The following ATP8B4 variants were observed in gnomAD, a reference collection of about 807,000 sequenced individuals.
ATP8B4 encodes ATPase phospholipid transporting 8B4 (putative).
In ATP8B4, 133 loss-of-function variants were observed where a neutral mutation model predicts 145.6. That is an observed-to-expected ratio of 0.91 (90% confidence interval 0.79 to 1.05). The LOEUF is 1.05. Ranked by LOEUF, ATP8B4 falls within the 50% of genes least tolerant of loss-of-function variation. The pLI is 0.00. For synonymous variants in ATP8B4, 507 were observed against 492.9 expected, an observed-to-expected ratio of 1.03 and a Z score of -0.38; for missense variants, 1,458 against 1,425.2, an observed-to-expected ratio of 1.02 and a Z score of -0.37.
At chr15:50,053,218 G>A (rs1313089595) in intron 3 of ATP8B4, among the ~76,000 whole-genome samples, 1 of 152,152 alleles carries the variant, frequency 6.6e-6, no homozygotes, top group Non-Finnish European at 1.5e-5. Flanking sequence ...TTTCCTTTCT[G>A]TAGAAGGGAA....
intron 10 of ATP8B4, among the ~76,000 whole-genome samples, chr15:49,984,590 C>G (rs1306674029): frequency 2.0e-5 from 3 of 152,110 alleles, no homozygotes; most frequent in Admixed American, 2.0e-4. Context: ...GTTGATAGAT[C>G]TGGCCAGCCT....
chr15:49,897,671 T>A (rs548058432), intron 22 of ATP8B4, among the ~76,000 whole-genome samples, 156 bp from the exon 23 acceptor site: 38 of 152,372 alleles, frequency 2.5e-4, no homozygotes, highest in African/African-American at 7.9e-4. Context: ...TAGATATTTC[T>A]CTTAGTTTTA....
chr15:49,915,823 C>T (rs192893052), intron 20 of ATP8B4, among the ~76,000 whole-genome samples: 5 of 147,264 alleles, frequency 3.4e-5, no homozygotes, highest in African/African-American at 5.1e-5. Flanking sequence ...CTAACCAGCA[C>T]GATATAGCAG....
intron 6 of ATP8B4, among the ~76,000 whole-genome samples, chr15:50,027,098 G>A (rs1394765327): frequency 6.6e-6 from 1 of 152,046 alleles, no homozygotes; most frequent in Non-Finnish European, 1.5e-5. Flanking sequence ...TTCTATCAAG[G>A]GTTATTCTGA....
At chr15:49,915,441 A>C (rs2039644387) in intron 20 of ATP8B4, among the ~76,000 whole-genome samples, 1 of 152,154 alleles carries the variant, frequency 6.6e-6, no homozygotes, top group South Asian at 2.1e-4. Context: ...GTATATTTCA[A>C]GTTAGCCAGA....
At chr15:50,122,533 CTGTT>C (rs917247698), upstream of ATP8B4, among the ~76,000 whole-genome samples, 3 of 150,294 alleles carry the variant, frequency 2.0e-5, no homozygotes, top group African/African-American at 7.4e-5. Context: ...TTGTGTTTGT[CTGTT>C]TGTTTGCTTG....
chr15:50,106,725 G>A (rs1300201220), intron 2 of ATP8B4, among the ~76,000 whole-genome samples: 2 of 152,132 alleles, frequency 1.3e-5, no homozygotes, highest in African/African-American at 4.8e-5. Context: ...ACGAAAAGGA[G>A]CACAAGGGAA....
chr15:50,035,495 T>G (rs1314033764), intron 6 of ATP8B4, among the ~76,000 whole-genome samples: 1 of 152,214 alleles, frequency 6.6e-6, no homozygotes, highest in Admixed American at 6.5e-5. Flanking sequence ...TTACCTGCCA[T>G]GAAACCCTGG....
At chr15:49,897,846 G>A (rs1052620748) in intron 22 of ATP8B4, among the ~76,000 whole-genome samples, 8 of 152,118 alleles carry the variant, frequency 5.3e-5, no homozygotes, top group Admixed American at 2.0e-4. Context: ...GGTGAACGAC[G>A]TCTTTTTCTA....
intron 23 of ATP8B4, among the ~76,000 whole-genome samples, chr15:49,889,929 G>A (rs192422265): frequency 3.3e-5 from 5 of 152,280 alleles, no homozygotes; most frequent in African/African-American, 4.8e-5. Flanking sequence ...ATATTTAGGC[G>A]CTTATGAATC....
At chr15:49,866,573 T>C in intron 25 of ATP8B4, 89 bp from the exon 26 acceptor site, 1 of 1,507,762 alleles carries the variant, frequency 6.6e-7, no homozygotes, top group East Asian at 2.3e-5. Flanking sequence ...AACTGCCCTG[T>C]GGCAGGAAGT....
At chr15:50,170,096 A>G (rs913120432) in intron 1 of ATP8B4, among the ~76,000 whole-genome samples, 1 of 152,178 alleles carries the variant, frequency 6.6e-6, no homozygotes, top group Non-Finnish European at 1.5e-5. Context: ...AAAAGCCTGG[A>G]AAATATATTT....
chr15:50,074,153 C>G lies in ATP8B4; in HGVS notation c.61G>C (p.Glu21Gln). 1 of 1,613,040 alleles carries G rather than the reference C, an allele frequency of 6.2e-7. No homozygotes were observed. Among genetic ancestry groups the G allele is most frequent in the Non-Finnish European group, 8.5e-7 (1 of 1,179,354 alleles). ...GCATACTGGAACTTTTCATTATATT[C>G]ACGGTCATTGGCTTTCACTATCCGT... is the stretch of plus-strand genomic sequence containing the variant. ...VERIVKANDREYNEKFQYADN... is the reference protein window; with the variant it reads ...VERIVKANDRQYNEKFQYADN... Residue 21 changes from glutamate to glutamine, a missense_variant, in exon 3 of 28, where the codon GAA becomes CAA. Physicochemically the swap from Glu to Gln is conservative, Grantham distance 29. Transcript: ENST00000284509.
At chr15:50,050,335 T>G (rs531194177) in intron 3 of ATP8B4, among the ~76,000 whole-genome samples, 1 of 152,352 alleles carries the variant, frequency 6.6e-6, no homozygotes, top group African/African-American at 2.4e-5. Context: ...CTGGCAATTG[T>G]GTCTCACTAT....
chr15:49,882,461 A>C (rs576196519), intron 23 of ATP8B4, among the ~76,000 whole-genome samples: 1 of 152,358 alleles, frequency 6.6e-6, no homozygotes, highest in African/African-American at 2.4e-5. Context: ...ATTGGTCATA[A>C]TAGTCCCCAA....
chr15:50,091,530 G>A (rs1451246880), intron 2 of ATP8B4, among the ~76,000 whole-genome samples: 1 of 152,136 alleles, frequency 6.6e-6, no homozygotes, highest in Non-Finnish European at 1.5e-5. Flanking sequence ...TAAGCCCAAT[G>A]AATGTATCCA....
chr15:50,104,400 C>T (rs936784977), intron 2 of ATP8B4, among the ~76,000 whole-genome samples: 2 of 151,902 alleles, frequency 1.3e-5, no homozygotes, highest in African/African-American at 4.8e-5. Flanking sequence ...ACAAACGGAT[C>T]CCATCAAAAA....
intron 14 of ATP8B4, among the ~76,000 whole-genome samples, chr15:49,937,525 T>C (rs1297613860): frequency 2.6e-5 from 4 of 152,164 alleles, no homozygotes; most frequent in Non-Finnish European, 5.9e-5. Context: ...TTTTCATTTG[T>C]GCATTCAGAA....
intron 2 of ATP8B4, among the ~76,000 whole-genome samples, chr15:50,088,954 C>G (rs2055406857): frequency 6.6e-6 from 1 of 152,128 alleles, no homozygotes; most frequent in South Asian, 2.1e-4. Context: ...CTATTCTGTT[C>G]CATTGGTCTA....
Sources: allele counts gnomAD v4.1 joint callset (sites outside exome capture counted in the v4.1 genomes callset), GRCh38; gene constraint gnomAD v4.1.1; transcripts MANE v1.5; gene names NCBI Gene and HGNC (gene_info 2026-07-23, HGNC 2026-07-21).